The following TLK2 variants were observed in gnomAD, a reference collection of about 807,000 sequenced individuals.
TLK2 encodes the protein serine/threonine-protein kinase tousled-like 2.
A neutral mutation model predicts 117.3 loss-of-function variants in TLK2; 6 were observed. The ratio of observed to expected loss-of-function variants is 0.05; its 90% CI spans 0.03 to 0.10. The LOEUF (loss-of-function observed/expected upper bound fraction) is 0.10, where lower values mean the gene tolerates loss of function less well. Ranked by LOEUF, TLK2 falls within the 10% of genes least tolerant of loss-of-function variation. The pLI, the probability that TLK2 is intolerant of heterozygous loss-of-function variation, is 1.00. For missense variants in TLK2, 299 were observed against 901.2 expected (o/e 0.33, Z 8.56); for synonymous variants, 257 against 316.7 (o/e 0.81, Z 2.00).
At chr17:62,535,484 A>C (rs2077047624) in intron 6 of TLK2, among the ~76,000 whole-genome samples, 1 of 152,040 alleles carries the variant, frequency 6.6e-6, no homozygotes, top group African/African-American at 2.4e-5. Context: ...GTCACGTGAC[A>C]GGCCAGGCAC....
At chr17:62,506,680 TTTG>T (rs1159633185) in intron 2 of TLK2, among the ~76,000 whole-genome samples, 1 of 152,192 alleles carries the variant, frequency 6.6e-6, no homozygotes, top group Admixed American at 6.5e-5. Flanking sequence ...TTTCTATTTC[TTTG>T]TTTTCTTTAC....
chr17:62,518,822 TA>T (rs934122334), intron 2 of TLK2, among the ~76,000 whole-genome samples: 3 of 152,138 alleles, frequency 2.0e-5, no homozygotes, highest in African/African-American at 7.2e-5. Context: ...AGCAGTAACA[TA>T]AAAATAGGAA....
intron 10 of TLK2, among the ~76,000 whole-genome samples, chr17:62,563,260 A>C (rs1459196874): frequency 1.3e-5 from 2 of 152,186 alleles, no homozygotes; most frequent in Admixed American, 6.5e-5. Context: ...AAACCTATTC[A>C]GATGAGCAGT....
At chr17:62,598,706 G>A (rs1333491933) in intron 17 of TLK2, among the ~76,000 whole-genome samples, 3 of 151,744 alleles carry the variant, frequency 2.0e-5, no homozygotes, top group Non-Finnish European at 4.4e-5. Context: ...TGTATTTTTA[G>A]TAGAGACAGG....
chr17:62,497,221 A>G (rs1170891069), intron 2 of TLK2, among the ~76,000 whole-genome samples: 7 of 152,058 alleles, frequency 4.6e-5, no homozygotes, highest in Admixed American at 3.3e-4. Flanking sequence ...AGTGAGTTGT[A>G]TATGCACTTC....
At chr17:62,584,074 A>C (rs1349082502) in intron 15 of TLK2, among the ~76,000 whole-genome samples, 1 of 144,312 alleles carries the variant, frequency 6.9e-6, no homozygotes, top group African/African-American at 2.6e-5. Flanking sequence ...GCTCTTATAA[A>C]TTGGGTGGTA....
chr17:62,610,220 T>G (rs147243651), intron 21 of TLK2, among the ~76,000 whole-genome samples: 1 of 152,272 alleles, frequency 6.6e-6, no homozygotes. Context: ...TTGTGAAGAA[T>G]ACAGAAGTAT....
At position 62,554,296 on chromosome 17, in the gene TLK2, C is replaced by T. The variant is rs1291370982; in HGVS notation, c.720+541C>T. The stretch of plus-strand genomic sequence containing the variant: ...ATAGTTTTTAAAGAGTAAAAAGGGC[C>T]GGACATGGTGGTTCACACCTGTAAT... On this transcript the variant is annotated intron_variant, in intron 9 of 21. Coordinates refer to ENST00000346027, the MANE Select transcript of TLK2 (RefSeq NM_006852.6). 4.6e-5 allele frequency among the ~76,000 whole-genome samples: 7 copies of T among 152,196 alleles called. No individual in the cohort carries two copies. The East Asian group carries it at 9.6e-4, about 21-fold the overall frequency.
chr17:62,549,398 CAAAAAAAAAAAAAAAAAA>C (rs777779302), intron 7 of TLK2, among the ~76,000 whole-genome samples: 13 of 37,124 alleles, frequency 3.5e-4, no homozygotes, highest in Admixed American at 1.9e-3. Flanking sequence ...GACTCCATCT[CAAAAAAAAAAAAAAAAAA>C]AAAAAAAAAA....
chr17:62,537,332 A>G (rs2077185155), intron 7 of TLK2, among the ~76,000 whole-genome samples: 1 of 152,256 alleles, frequency 6.6e-6, no homozygotes, highest in African/African-American at 2.4e-5. Context: ...TCTTATAGTT[A>G]TGATAGCTTT....
At chr17:62,528,255 A>G (rs2076512373) in intron 6 of TLK2, among the ~76,000 whole-genome samples, 1 of 152,226 alleles carries the variant, frequency 6.6e-6, no homozygotes, top group Non-Finnish European at 1.5e-5. Flanking sequence ...TGGATAAAAA[A>G]TTATTTTCAC....
chr17:62,480,749 G>A (rs1046342280), intron 1 of TLK2, among the ~76,000 whole-genome samples: 9 of 152,162 alleles, frequency 5.9e-5, no homozygotes, highest in African/African-American at 2.2e-4. Flanking sequence ...AAGATACTTA[G>A]CTAGATTAAG....
At chr17:62,591,850 G>A (rs1238398542) in intron 16 of TLK2, among the ~76,000 whole-genome samples, 1 of 151,964 alleles carries the variant, frequency 6.6e-6, no homozygotes, top group African/African-American at 2.4e-5. Flanking sequence ...TACGGAAAGT[G>A]TGTCTTTTCC....
intron 2 of TLK2, among the ~76,000 whole-genome samples, chr17:62,481,826 C>T (rs1002555115): frequency 6.6e-6 from 1 of 152,124 alleles, no homozygotes; most frequent in African/African-American, 2.4e-5. Context: ...GATGATTTTA[C>T]AATGTGTAAA....
chr17:62,502,494 A>C (rs941015787), intron 2 of TLK2, among the ~76,000 whole-genome samples: 2 of 152,222 alleles, frequency 1.3e-5, no homozygotes, highest in African/African-American at 4.8e-5. Context: ...AGTCAATGGT[A>C]ATTGTTTTCG....
intron 6 of TLK2, among the ~76,000 whole-genome samples, chr17:62,529,732 A>T (rs956998488): frequency 6.6e-6 from 1 of 152,208 alleles, no homozygotes; most frequent in African/African-American, 2.4e-5. Context: ...TTACCACCAC[A>T]TTCAGTTTAG....
chr17:62,473,845 C>T (rs1030820569), upstream of TLK2, among the ~76,000 whole-genome samples: 1 of 152,066 alleles, frequency 6.6e-6, no homozygotes. Flanking sequence ...AAGCCTGATT[C>T]TGCCAAATGA....
chr17:62,578,310 T>A (rs973869652), intron 13 of TLK2, among the ~76,000 whole-genome samples, 167 bp from the exon 14 acceptor site: 2 of 152,070 alleles, frequency 1.3e-5, no homozygotes, highest in Non-Finnish European at 2.9e-5. Flanking sequence ...ATTTTATTAT[T>A]TTCTATGGGC....
intron 2 of TLK2, among the ~76,000 whole-genome samples, chr17:62,504,911 T>C (rs754017780): frequency 6.6e-6 from 1 of 152,190 alleles, no homozygotes; most frequent in Non-Finnish European, 1.5e-5. Context: ...TGGCGTGATC[T>C]TGGCTTACTG....
Sources: gnomAD v4.1 joint callset for allele counts (sites outside exome capture counted in the v4.1 genomes callset) on GRCh38, gnomAD v4.1.1 for gene constraint, MANE v1.5 for transcripts, NCBI Gene and HGNC (gene_info 2026-07-23, HGNC 2026-07-21) for gene names.